XCR1: variants seen among roughly 807,000 people sequenced by gnomAD.
The protein encoded by XCR1 is chemokine XC receptor 1.
For synonymous variants in XCR1, 187 were observed against 188.5 expected (o/e 0.99, Z 0.06); for missense variants, 356 against 424.2 (o/e 0.84, Z 1.41).
chr3:46,081,289 T>A (rs1053966016), intron 1 of XCR1, among the ~76,000 whole-genome samples: 10 of 152,166 alleles, frequency 6.6e-5, no homozygotes, highest in Non-Finnish European at 1.3e-4. Context: ...TTTTAACCTC[T>A]CCTGGCCAAA....
intron 3 of XCR1, among the ~76,000 whole-genome samples, chr3:46,069,535 T>C (rs1008682843): frequency 6.6e-6 from 1 of 152,114 alleles, no homozygotes; most frequent in African/African-American, 2.4e-5. Context: ...CATATAACAT[T>C]TGACTCTCCC....
At chr3:46,064,266 T>C (rs946636493) in intron 4 of XCR1, among the ~76,000 whole-genome samples, 4 of 152,346 alleles carry the variant, frequency 2.6e-5, no homozygotes, top group Admixed American at 1.3e-4. Context: ...GTTAGACTCT[T>C]TTAGACTACA....
chr3:46,021,977 A>G lies in XCR1; in HGVS notation c.-30T>C. ...ACCAGATGGCAGGGACGTTTAGAGC[A>G]TCTGAAATGATAGAGACATGGAGTT... On this transcript the variant is annotated splice_region_variant and 5_prime_UTR_variant, in exon 2 of 2. An upstream start codon of the reference 5' UTR is lost. Transcript: ENST00000309285. The surrounding 1 kb of genome is among the most constrained non-coding windows in gnomAD (Gnocchi z 4.7). 2 of 1,578,538 alleles carry G rather than the reference A, an allele frequency of 1.3e-6. No homozygotes were observed. The highest frequency in any genetic ancestry group is 1.7e-6 in the Non-Finnish European group (2 of 1,163,532).
At chr3:46,060,745 A>G (rs1697946721) in intron 4 of XCR1, among the ~76,000 whole-genome samples, 1 of 152,150 alleles carries the variant, frequency 6.6e-6, no homozygotes, top group African/African-American at 2.4e-5. Flanking sequence ...ACTCCTGGCT[A>G]TGGAGAAACA....
chr3:46,023,412 A>G, intron 1 of XCR1: 5 of 1,470,956 alleles, frequency 3.4e-6, no homozygotes, highest in East Asian at 2.3e-5. Flanking sequence ...AGGCTGCGGC[A>G]TATCTTTCTG....
At chr3:46,023,409 G>C (rs776424899) in intron 1 of XCR1, 6 of 1,464,058 alleles carry the variant, frequency 4.1e-6, no homozygotes, top group Non-Finnish European at 5.7e-6. Context: ...AAAAGGCTGC[G>C]GCATATCTTT....
upstream of XCR1, among the ~76,000 whole-genome samples, chr3:46,030,160 C>T (rs1221097453): frequency 6.6e-6 from 1 of 151,994 alleles, no homozygotes; most frequent in African/African-American, 2.4e-5. Context: ...GTACTTTTCC[C>T]CCCACCGTGT....
At chr3:46,084,762 G>A (rs982200535) in intron 1 of XCR1, among the ~76,000 whole-genome samples, 1 of 152,202 alleles carries the variant, frequency 6.6e-6, no homozygotes, top group African/African-American at 2.4e-5. Flanking sequence ...AAGACATAAA[G>A]ACGGAAACCG....
At chr3:46,070,298 A>T (rs147183133) in intron 3 of XCR1, among the ~76,000 whole-genome samples, 83 of 152,228 alleles carry the variant, frequency 5.5e-4, no homozygotes, top group African/African-American at 2.0e-3. Context: ...TATTAGGTCC[A>T]TTTGGTCTAA....
At chr3:46,048,473 T>C (rs1351928122) in intron 5 of XCR1, among the ~76,000 whole-genome samples, 1 of 152,124 alleles carries the variant, frequency 6.6e-6, no homozygotes, top group Non-Finnish European at 1.5e-5. Flanking sequence ...GTGATTCTGG[T>C]CGGCCTTCTC....
At chr3:46,082,976 T>C (rs1372721677) in intron 1 of XCR1, among the ~76,000 whole-genome samples, 1 of 152,218 alleles carries the variant, frequency 6.6e-6, no homozygotes, top group African/African-American at 2.4e-5. Flanking sequence ...ATTTCACCAG[T>C]GTTCATGATA....
Position 46,075,578 on chromosome 3 carries a change from G to A in XCR1, c.-327-863C>T, listed in dbSNP as rs192675709. On this transcript the variant is annotated intron_variant, in intron 2 of 5. Coordinates refer to the XCR1 transcript ENST00000683768. Reference sequence around the variant, plus strand: ...AAACATTTGCCCTGCAAAAGGCCCTGTTAAGACCATCTCCAGAATGGGAGA... The same window carrying A: ...AAACATTTGCCCTGCAAAAGGCCCTATTAAGACCATCTCCAGAATGGGAGA... Among the ~76,000 whole-genome samples, 15 of 152,200 alleles carry A rather than the reference G, an allele frequency of 9.9e-5. No homozygotes were observed. In the East Asian group the frequency reaches 2.1e-3, roughly 22 times the overall value.
At chr3:46,043,761 C>A (rs910412609) in intron 5 of XCR1, among the ~76,000 whole-genome samples, 1 of 144,144 alleles carries the variant, frequency 6.9e-6, no homozygotes, top group Non-Finnish European at 1.5e-5. Context: ...CACACACACA[C>A]AAGAATGCCT....
chr3:46,029,720 G>A (rs1708364071), upstream of XCR1, among the ~76,000 whole-genome samples: 1 of 152,196 alleles, frequency 6.6e-6, no homozygotes. Flanking sequence ...AAAGAATTTT[G>A]ATGGAAATTG....
At chr3:46,046,156 T>C (rs1160698711) in intron 5 of XCR1, among the ~76,000 whole-genome samples, 1 of 152,132 alleles carries the variant, frequency 6.6e-6, no homozygotes, top group Non-Finnish European at 1.5e-5. Context: ...ACAAGTGGTA[T>C]AACCTGCATG....
In XCR1 at chr3:46,021,760, TC is replaced by T; in HGVS notation, c.187del (p.Glu63SerfsTer45). 6.2e-7 allele frequency: 1 copy of T among 1,614,112 alleles called. No individual in the cohort carries two copies. Among genetic ancestry groups the T allele is most frequent in the Non-Finnish European group, 8.5e-7 (1 of 1,180,020 alleles). On this transcript the variant is annotated frameshift_variant, in exon 2 of 2. Coordinates refer to ENST00000309285, the MANE Select transcript of XCR1 (RefSeq NM_001024644.2). LOFTEE classifies it low-confidence loss of function (END_TRUNC). The surrounding 1 kb of genome is among the most constrained non-coding windows in gnomAD (Gnocchi z 4.7). ...GAGGATGAAGATGTTGGTGAGGGACTCCAGGCTCTCATACTTCACCAGGACC... is the reference window on the plus strand; with the variant it reads ...GAGGATGAAGATGTTGGTGAGGGACTCAGGCTCTCATACTTCACCAGGACC... ...LWVLVKYESL[E>X]SLTNIFILNL...
intron 4 of XCR1, among the ~76,000 whole-genome samples, chr3:46,054,876 G>C (rs1244495250): frequency 6.6e-6 from 1 of 152,224 alleles, no homozygotes; most frequent in Non-Finnish European, 1.5e-5. Flanking sequence ...ACCTGAATAA[G>C]AAGTGGTCCA....
At chr3:46,080,139 C>T (rs1337446933) in intron 1 of XCR1, among the ~76,000 whole-genome samples, 2 of 150,366 alleles carry the variant, frequency 1.3e-5, no homozygotes, top group African/African-American at 4.9e-5. Context: ...CACCTATAAT[C>T]GTGCCACTGT....
chr3:46,023,605 C>T (rs1708215616), intron 1 of XCR1: 1 of 1,381,820 alleles, frequency 7.2e-7, no homozygotes, highest in Admixed American at 1.7e-5. Context: ...ATCTCACAAA[C>T]TCTCTGCCGA....
Sources: gnomAD v4.1 joint callset for allele counts (sites outside exome capture counted in the v4.1 genomes callset) on GRCh38, gnomAD v4.1.1 for gene constraint, Gnocchi (gnomAD v3.1) non-coding constraint, MANE v1.5 for transcripts, NCBI Gene and HGNC (gene_info 2026-07-23, HGNC 2026-07-21) for gene names.